LRRC4C: variants seen among roughly 807,000 people sequenced by gnomAD.
LRRC4C encodes the protein leucine-rich repeat-containing protein 4C.
Under a neutral mutation model 33.6 loss-of-function variants are expected in LRRC4C, and 5 were observed. That is an observed-to-expected ratio of 0.15 (90% confidence interval 0.08 to 0.31). The LOEUF is 0.31. LRRC4C is among the 10% of genes least tolerant of loss of function. The probability of loss-of-function intolerance (pLI) is 1.00; values close to 1 mark genes in which losing one functional copy is unlikely to be tolerated. For missense variants in LRRC4C, 560 were observed against 796.7 expected, an observed-to-expected ratio of 0.70 and a Z score of 3.58; for synonymous variants, 329 against 302.0, an observed-to-expected ratio of 1.09 and a Z score of -0.93.
At chr11:40,970,380 A>G (rs977026025) in intron 1 of LRRC4C, among the ~76,000 whole-genome samples, 1 of 152,128 alleles carries the variant, frequency 6.6e-6, no homozygotes, top group African/African-American at 2.4e-5. Flanking sequence ...TGCTCTGGCC[A>G]TGTAAGACAT....
At chr11:40,255,329 G>A (rs1867119060) in intron 4 of LRRC4C, among the ~76,000 whole-genome samples, 1 of 152,134 alleles carries the variant, frequency 6.6e-6, no homozygotes, top group East Asian at 1.9e-4. Context: ...CAAAAACACT[G>A]AGTGTGGAGC....
intron 2 of LRRC4C, among the ~76,000 whole-genome samples, chr11:40,656,374 G>T (rs1943113632): frequency 1.3e-5 from 2 of 151,654 alleles, no homozygotes; most frequent in African/African-American, 4.8e-5. Flanking sequence ...GAGTGAGCAG[G>T]CTTATTCTGC....
At chr11:41,168,937 T>C (rs1029052900) in intron 1 of LRRC4C, among the ~76,000 whole-genome samples, 1 of 152,140 alleles carries the variant, frequency 6.6e-6, no homozygotes, top group Non-Finnish European at 1.5e-5. Context: ...CAATGCCCCA[T>C]GCCAGGAGAT....
chr11:40,909,267 G>A (rs1219743403), intron 2 of LRRC4C, among the ~76,000 whole-genome samples: 2 of 151,894 alleles, frequency 1.3e-5, no homozygotes, highest in African/African-American at 4.8e-5. Flanking sequence ...ACTTTCCATT[G>A]TGATTTTAAC....
At chr11:40,975,043 T>G (rs552866813) in intron 1 of LRRC4C, among the ~76,000 whole-genome samples, 1 of 152,342 alleles carries the variant, frequency 6.6e-6, no homozygotes, top group South Asian at 2.1e-4. Context: ...GATGTCCTGT[T>G]GTGGAACTCC....
intron 4 of LRRC4C, among the ~76,000 whole-genome samples, chr11:40,317,951 C>T (rs1945658940): frequency 6.6e-6 from 1 of 152,020 alleles, no homozygotes; most frequent in Non-Finnish European, 1.5e-5. Context: ...GGATCAGAAC[C>T]TTTATACATG....
chr11:40,461,188 G>T (rs1261227122), intron 3 of LRRC4C, among the ~76,000 whole-genome samples: 2 of 152,134 alleles, frequency 1.3e-5, no homozygotes, highest in East Asian at 1.9e-4. Flanking sequence ...ATTATTATTA[G>T]TGGCAAGGGA....
intron 1 of LRRC4C, among the ~76,000 whole-genome samples, chr11:41,169,129 G>T (rs891718138): frequency 3.3e-5 from 5 of 152,074 alleles, no homozygotes; most frequent in Admixed American, 6.6e-5. Context: ...TTCCTCAAAA[G>T]GGTTTCAAGG....
At chr11:40,413,810 C>T (rs933783037) in intron 3 of LRRC4C, among the ~76,000 whole-genome samples, 6 of 152,008 alleles carry the variant, frequency 3.9e-5, no homozygotes, top group African/African-American at 7.2e-5. Flanking sequence ...AAATTATGTT[C>T]GTCTTCTTTA....
At chr11:40,823,091 T>C (rs1391309802) in intron 2 of LRRC4C, among the ~76,000 whole-genome samples, 1 of 151,772 alleles carries the variant, frequency 6.6e-6, no homozygotes, top group African/African-American at 2.4e-5. Context: ...GTCAAAATGT[T>C]AATATTTTCA....
At chr11:40,414,090 C>T (rs1237243327) in intron 3 of LRRC4C, among the ~76,000 whole-genome samples, 1 of 151,330 alleles carries the variant, frequency 6.6e-6, no homozygotes, top group African/African-American at 2.4e-5. Context: ...ATAAAATGTG[C>T]CTATTCTTTT....
At chr11:41,383,586 T>G (rs2137915080) in intron 1 of LRRC4C, among the ~76,000 whole-genome samples, 1 of 151,986 alleles carries the variant, frequency 6.6e-6, no homozygotes, top group East Asian at 1.9e-4. Context: ...AACACTTGTA[T>G]TAACAGATAT....
chr11:40,662,299 T>A (rs1319312367), intron 2 of LRRC4C, among the ~76,000 whole-genome samples: 1 of 152,072 alleles, frequency 6.6e-6, no homozygotes, highest in African/African-American at 2.4e-5. Context: ...CAGCTTTGTA[T>A]AAGAGACCCC....
intron 3 of LRRC4C, among the ~76,000 whole-genome samples, chr11:40,582,704 A>G (rs186396013): frequency 2.6e-5 from 4 of 151,970 alleles, no homozygotes; most frequent in Admixed American, 2.0e-4. Flanking sequence ...TTTAGTAGAG[A>G]GAGGGTTTCA....
At position 40,316,335 on chromosome 11, in the gene LRRC4C, C is replaced by T. The variant is rs115624692; in HGVS notation, c.-176+3293G>A. ...CACCACAACTTACTCATGTAGATGT[C>T]TAGTTTTTGTGAATGAATCAGAAAC... is the stretch of plus-strand genomic sequence containing the variant. On this transcript the variant is annotated intron_variant, in intron 4 of 6. Transcript: ENST00000528697. 2.0e-3 allele frequency among the ~76,000 whole-genome samples: 297 copies of T among 152,120 alleles called. 5 individuals carry two copies. The highest frequency in any genetic ancestry group is 6.9e-3 in the African/African-American group (286 of 41,502).
rs115845602 is a variant in LRRC4C at position 40,331,143 on chromosome 11, A to G, written c.-269-11422T>C. ...CAAAAACATAACAAATGCTGGTGAG[A>G]ACAGGGAGAAAAGGGAACTTTTATA... On this transcript the variant is annotated intron_variant, in intron 3 of 6. Coordinates refer to ENST00000528697, the MANE Select transcript of LRRC4C (RefSeq NM_001258419.2). 4.0e-3 allele frequency among the ~76,000 whole-genome samples: 614 copies of G among 152,304 alleles called. 4 individuals are homozygous for G. The highest frequency in any genetic ancestry group is 0.014 in the African/African-American group (570 of 41,568).
chr11:40,257,735 C>A (rs1867330195), intron 4 of LRRC4C, among the ~76,000 whole-genome samples: 1 of 152,094 alleles, frequency 6.6e-6, no homozygotes, highest in South Asian at 2.1e-4. Context: ...TATGTCATGT[C>A]TGGATGTCTG....
chr11:40,454,749 C>T (rs1366677282), intron 3 of LRRC4C, among the ~76,000 whole-genome samples: 1 of 152,148 alleles, frequency 6.6e-6, no homozygotes, highest in Non-Finnish European at 1.5e-5. Flanking sequence ...AAATATTTCT[C>T]ATTTACTTTT....
chr11:40,542,214 T>C (rs762068233), intron 3 of LRRC4C, among the ~76,000 whole-genome samples: 1 of 152,134 alleles, frequency 6.6e-6, no homozygotes, highest in Non-Finnish European at 1.5e-5. Context: ...AACAGAATCA[T>C]TGTGAGAAAA....
Sources: allele counts gnomAD v4.1 joint callset (sites outside exome capture counted in the v4.1 genomes callset), GRCh38; gene constraint gnomAD v4.1.1; transcripts MANE v1.5; gene names NCBI Gene and HGNC (gene_info 2026-07-23, HGNC 2026-07-21).